MKS1: variants seen among roughly 807,000 people sequenced by gnomAD.
MKS1 encodes the protein tectonic-like complex member MKS1.
Under a neutral mutation model 83.7 loss-of-function variants are expected in MKS1, and 70 were observed. That is an observed-to-expected ratio of 0.84 (90% CI 0.69 to 1.02). The LOEUF (loss-of-function observed/expected upper bound fraction) is 1.02, where lower values mean the gene tolerates loss of function less well. MKS1 is among the 50% of genes least tolerant of loss of function. The pLI, the probability that MKS1 is intolerant of heterozygous loss-of-function variation, is 0.00. For synonymous variants in MKS1, 251 were observed against 273.4 expected, an observed-to-expected ratio of 0.92 and a Z score of 0.81; for missense variants, 681 against 726.9, an observed-to-expected ratio of 0.94 and a Z score of 0.73.
rs747740477 is a variant in MKS1 at position 58,208,512 on chromosome 17, C to T, written c.1095+1G>A. On this transcript the variant is annotated splice_donor_variant, in intron 12 of 17. Transcript: ENST00000393119. LOFTEE classifies it high-confidence loss of function. ...CAGATACCCGCTCTCATTCTCCATACCATTGCCAGGGACTTGGTGGTGCAG... is the reference window on the plus strand; with the variant it reads ...CAGATACCCGCTCTCATTCTCCATATCATTGCCAGGGACTTGGTGGTGCAG... The T allele has an allele frequency of 1.1e-5, 18 of 1,613,962 alleles. No individual in the cohort carries two copies. The highest frequency in any genetic ancestry group is 1.4e-5 in the Non-Finnish European group (17 of 1,179,884).
chr17:58,206,102 G>T lies in MKS1; in HGVS notation c.1657C>A (p.Pro553Thr). ...AGCTAGGAGACCAGGGTTCCAGAGG[G>T]GCTCACTAGGTCCTGCGGGAGGCTT... The part of the protein sequence containing the change: ...RESLPQDLVS[P>T]SGTLVS Residue 553 changes from proline (P) to threonine (T), a missense_variant, in exon 18 of 18, where the codon CCC (proline) becomes ACC (threonine). Physicochemically the swap from Pro to Thr is conservative, Grantham distance 38. This residue lies in a region of MKS1 where 310 missense variants were observed against 321.7 expected (regional missense o/e 0.96). Coordinates refer to ENST00000393119, the MANE Select transcript of MKS1 (RefSeq NM_017777.4). 1 of 1,612,824 alleles carries T rather than the reference G, an allele frequency of 6.2e-7. No individual in the cohort carries two copies. Among genetic ancestry groups the T allele is most frequent in the Non-Finnish European group, 8.5e-7 (1 of 1,179,704 alleles).
Position 58,205,600 on chromosome 17 carries a change from G to GCC in MKS1, c.*478_*479insGG, listed in dbSNP as rs1231646106. On this transcript the variant is annotated 3_prime_UTR_variant, in exon 18 of 18. Transcript: ENST00000393119. ...TCTCAACCTCAGCAAGCCCCAAGCAGTAGAATGAGGCTTCCCTGGAAAGAG... is the reference window on the plus strand; with the variant it reads ...TCTCAACCTCAGCAAGCCCCAAGCAGCCTAGAATGAGGCTTCCCTGGAAAGAG... 4.6e-6 allele frequency: 6 copies of GCC among 1,305,986 alleles called. No homozygotes were observed. The African/African-American group carries it at 9.1e-5, about 20-fold the overall frequency. The allele number at this position is 1,305,986 out of a possible 1,614,324, so 80.9% of individuals were successfully genotyped here.
At chr17:58,208,457 G>A (rs1968666308) in intron 12 of MKS1, 56 bp downstream of exon 12, 1 of 1,588,620 alleles carries the variant, frequency 6.3e-7, no homozygotes, top group Non-Finnish European at 8.6e-7. Flanking sequence ...AACCTCAAAT[G>A]CCATCCCAGG....
chr17:58,205,938 GC>G lies in MKS1; in HGVS notation c.*140del. 1 of 1,512,466 alleles carries G rather than the reference GC, an allele frequency of 6.6e-7. No homozygotes were observed. 93.7% of individuals were successfully genotyped at this position (1,512,466 alleles called of 1,614,324 possible). The stretch of plus-strand genomic sequence containing the variant: ...ACCCTGCAGAAGGCTAGGCAGAGGG[GC>G]CAGCCGGGAATTTCCCAGCTTTTCT... On this transcript the variant is annotated 3_prime_UTR_variant, in exon 18 of 18. Transcript: ENST00000393119.
intron 1 of MKS1, 145 bp downstream of exon 1, chr17:58,219,006 G>A (rs1598007655): frequency 8.3e-7 from 1 of 1,202,558 alleles, no homozygotes; most frequent in South Asian, 1.4e-5. Flanking sequence ...AGTGGATGGG[G>A]GTACGGATAG....
At chr17:58,210,820 C>T (rs556539445) in intron 10 of MKS1, 96 bp from the exon 11 acceptor site, 6 of 1,462,178 alleles carry the variant, frequency 4.1e-6, no homozygotes, top group Non-Finnish European at 5.7e-6. Flanking sequence ...GAGAGCAAGT[C>T]TTTTGAGGGC....
At chr17:58,218,752 T>A (rs1254118329) in intron 1 of MKS1, 23 bp from the exon 2 acceptor site, 1 of 1,574,046 alleles carries the variant, frequency 6.4e-7, no homozygotes, top group Non-Finnish European at 8.7e-7. Flanking sequence ...GCCCAAAATA[T>A]TCGTTACCAG....
chr17:58,214,050 A>G (rs1414126198), intron 6 of MKS1, among the ~76,000 whole-genome samples, 181 bp from the exon 7 acceptor site: 2 of 152,214 alleles, frequency 1.3e-5, no homozygotes, highest in Admixed American at 1.3e-4. Flanking sequence ...CCTATAACCC[A>G]GGATGATAAC....
chr17:58,210,889 C>T (rs1968833762), intron 10 of MKS1, 91 bp downstream of exon 10: 1 of 1,506,534 alleles, frequency 6.6e-7, no homozygotes, highest in Non-Finnish European at 9.2e-7. Context: ...GTACAGCAGA[C>T]AAGGCCTCTA....
intron 3 of MKS1, 73 bp from the exon 4 acceptor site, chr17:58,216,316 T>A: frequency 6.7e-7 from 1 of 1,491,382 alleles, no homozygotes; most frequent in Non-Finnish European, 9.3e-7. Context: ...TGTAACTGTT[T>A]AATCAAATCA....
rs965966669 is a variant in MKS1 at position 58,206,166 on chromosome 17, G to A, written c.1593C>T (p.Ala531=). Residue 531 remains alanine, a synonymous_variant, in exon 18 of 18, where the codon GCC becomes GCT. Transcript: ENST00000393119. ...QQSSIHNVLE[A]FRRARRRMQE... ...GCATGCGGCGCCGGGCTCGACGGAA[G>A]GCCTCTGTAAGGAAAGGAGATATGC... 5 of 1,613,892 alleles carry A rather than the reference G, an allele frequency of 3.1e-6. No homozygotes were observed. Among genetic ancestry groups the A allele is most frequent in the African/African-American group, 1.3e-5 (1 of 74,910 alleles).
chr17:58,213,949 G>A, intron 6 of MKS1, 80 bp from the exon 7 acceptor site: 1 of 1,199,208 alleles, frequency 8.3e-7, no homozygotes, highest in Non-Finnish European at 1.2e-6. Context: ...CACTGCAGGG[G>A]AGAGAACAGA....
At position 58,210,967 on chromosome 17, in the gene MKS1, G is replaced by C. The variant is rs375090244; in HGVS notation, c.958+13C>G. 3.7e-6 allele frequency: 6 copies of C among 1,613,154 alleles called. No individual in the cohort carries two copies. In the African/African-American group the frequency reaches 8.0e-5, roughly 22 times the overall value. On this transcript the variant is annotated intron_variant, in intron 10 of 17. Transcript: ENST00000393119. ...CCTAAGCATCAAGAGATCTATGCTAGCAAGACACTTACCGACCTCTCCATT... is the reference window on the plus strand; with the variant it reads ...CCTAAGCATCAAGAGATCTATGCTACCAAGACACTTACCGACCTCTCCATT...
At chr17:58,214,867 C>G in intron 4 of MKS1, 29 bp from the exon 5 acceptor site, 2 of 1,584,216 alleles carry the variant, frequency 1.3e-6, no homozygotes, top group Non-Finnish European at 1.7e-6. Flanking sequence ...CCTGTGTACG[C>G]CATCTGGTCA....
chr17:58,216,603 T>A, intron 3 of MKS1, 63 bp downstream of exon 3: 1 of 1,541,682 alleles, frequency 6.5e-7, no homozygotes. Flanking sequence ...GCAATATGTA[T>A]CACCAGCCAT....
At chr17:58,213,129 A>C in intron 7 of MKS1, 39 bp from the exon 8 acceptor site, 24 of 1,569,206 alleles carry the variant, frequency 1.5e-5, no homozygotes, top group Non-Finnish European at 1.9e-5. Flanking sequence ...AACTCTAATA[A>C]TGAGAGATGG....
At chr17:58,206,585 C>T (rs369698284) in intron 15 of MKS1, 38 bp from the exon 16 acceptor site, 2 of 1,576,832 alleles carry the variant, frequency 1.3e-6, no homozygotes, top group Non-Finnish European at 1.7e-6. Flanking sequence ...GGTTTCTGCT[C>T]TCTCTAGACA....
chr17:58,212,783 GCT>G lies in MKS1; in HGVS notation c.858+197_858+198del, dbSNP rs138353351. ...GTACCTAGCACAGAACATGGTAAATGCTCAAATAAATGGTTATTGTTATTATT... is the reference window on the plus strand; with the variant it reads ...GTACCTAGCACAGAACATGGTAAATGCAAATAAATGGTTATTGTTATTATT... On this transcript the variant is annotated intron_variant, in intron 8 of 17. Coordinates refer to ENST00000393119, the MANE Select transcript of MKS1 (RefSeq NM_017777.4). Among the ~76,000 whole-genome samples, 478 of 152,306 alleles carry G rather than the reference GCT, an allele frequency of 3.1e-3. 4 individuals are homozygous for G. The highest frequency in any genetic ancestry group is 0.011 in the African/African-American group (460 of 41,550).
intron 12 of MKS1, 93 bp from the exon 13 acceptor site, chr17:58,208,267 G>A (rs1160720759): frequency 4.8e-6 from 6 of 1,237,760 alleles, no homozygotes; most frequent in Admixed American, 1.8e-5. Flanking sequence ...AAGGGAAAAA[G>A]AAAAATTATC....
Sources: allele counts gnomAD v4.1 joint callset (sites outside exome capture counted in the v4.1 genomes callset), GRCh38; gene constraint gnomAD v4.1.1; regional missense constraint gnomAD v4.1.1; transcripts MANE v1.5; gene names NCBI Gene and HGNC (gene_info 2026-07-23, HGNC 2026-07-21).